Variants in CPSF2 observed in about 807,000 individuals in gnomAD.
CPSF2 encodes cleavage and polyadenylation specificity factor subunit 2.
Under a neutral mutation model 84.2 loss-of-function variants are expected in CPSF2, and 51 were observed. That is an observed-to-expected ratio of 0.61 (90% confidence interval 0.48 to 0.77). The LOEUF (loss-of-function observed/expected upper bound fraction) is 0.77, where lower values mean the gene tolerates loss of function less well. Ranked by LOEUF, CPSF2 falls within the 30% of genes least tolerant of loss-of-function variation. The pLI is 0.00. For missense variants in CPSF2, 641 were observed against 929.4 expected (o/e 0.69, Z 4.03); for synonymous variants, 286 against 311.9 (o/e 0.92, Z 0.87).
chr14:92,161,851 C>T lies in CPSF2; in HGVS notation c.*107C>T. 1 of 645,506 alleles carries T rather than the reference C, an allele frequency of 1.5e-6. No homozygotes were observed. The highest frequency in any genetic ancestry group is 2.1e-5 in the South Asian group (1 of 48,382). 40.0% of individuals were successfully genotyped at this position (645,506 alleles called of 1,614,324 possible). The stretch of plus-strand genomic sequence containing the variant: ...TTTTGTAACATACAAAAAGAATCTG[C>T]CAGAAAAACTTACATGTATCAGATT... On this transcript the variant is annotated 3_prime_UTR_variant, in exon 16 of 16. Coordinates refer to ENST00000298875, the MANE Select transcript of CPSF2 (RefSeq NM_017437.3).
intron 9 of CPSF2, among the ~76,000 whole-genome samples, chr14:92,150,527 A>C (rs904175141): frequency 2.0e-5 from 3 of 151,708 alleles, no homozygotes; most frequent in Non-Finnish European, 4.4e-5. Flanking sequence ...TTCTGCGTTC[A>C]TGTGACCCTC....
chr14:92,138,631 T>C (rs1228657994), intron 7 of CPSF2, among the ~76,000 whole-genome samples: 1 of 152,100 alleles, frequency 6.6e-6, no homozygotes, highest in African/African-American at 2.4e-5. Context: ...GGTTTCTCCA[T>C]GTTGGCCAGG....
intron 13 of CPSF2, 36 bp from the exon 14 acceptor site, chr14:92,158,947 G>A: frequency 6.6e-7 from 1 of 1,513,936 alleles, no homozygotes; most frequent in Non-Finnish European, 9.0e-7. Context: ...TGTATTCTGT[G>A]GGTTTTATTT....
intron 9 of CPSF2, 101 bp from the exon 10 acceptor site, chr14:92,154,257 T>C: frequency 4.1e-6 from 3 of 734,810 alleles, no homozygotes; most frequent in Admixed American, 3.0e-5. Flanking sequence ...AGTTTAAAGA[T>C]GATAGAGCAA....
chr14:92,122,573 T>A (rs7151027), intron 1 of CPSF2, among the ~76,000 whole-genome samples: 61,152 of 152,114 alleles, frequency 0.4, 13,157 homozygotes, highest in East Asian at 0.84. Context: ...CTTTTAGTTC[T>A]TCGACTCCAG....
In CPSF2 at chr14:92,166,571, C is replaced by A. The variant is rs528303954; in HGVS notation, c.*4827C>A. The A allele has an allele frequency of 6.6e-6, 1 of 152,194 alleles. No individual in the cohort carries two copies. Among genetic ancestry groups the A allele is most frequent in the South Asian group, 2.1e-4 (1 of 4,828 alleles). The allele number at this position is 152,194 out of a possible 1,614,324, so 9.4% of individuals were successfully genotyped here. A position where few individuals can be genotyped will look rare whatever the true frequency, so the allele number is the denominator to read the frequency against. Reference sequence around the variant, plus strand: ...ACTCTGTTGCCCAAGCTGGTCATCTCAAACTTCCAGACTCAAACAATACTC... The same window carrying A: ...ACTCTGTTGCCCAAGCTGGTCATCTAAAACTTCCAGACTCAAACAATACTC... On this transcript the variant is annotated 3_prime_UTR_variant, in exon 16 of 16. Transcript: ENST00000298875.
intron 9 of CPSF2, among the ~76,000 whole-genome samples, chr14:92,144,643 C>T (rs2069120542): frequency 1.3e-5 from 2 of 152,198 alleles, no homozygotes; most frequent in South Asian, 4.1e-4. Flanking sequence ...AAACCATTTG[C>T]TTGGTTTGTG....
Position 92,159,175 on chromosome 14 carries a change from G to C in CPSF2, c.2014G>C (p.Val672Leu). ...MQVEAPSDSS[V>L]IAQQKAMKSL... Reference sequence around the variant, plus strand: ...AGTGGAAGCTCCCTCAGATTCTAGCGTTATAGCACAACAAAAGGCCATGAA... The same window carrying C: ...AGTGGAAGCTCCCTCAGATTCTAGCCTTATAGCACAACAAAAGGCCATGAA... Residue 672 changes from valine to leucine, a missense_variant, in exon 14 of 16, where the codon GTT becomes CTT. Coordinates refer to ENST00000298875, the MANE Select transcript of CPSF2 (RefSeq NM_017437.3). The C allele has an allele frequency of 6.2e-7, 1 of 1,613,984 alleles. No homozygotes were observed.
At chr14:92,156,894 T>C (rs763712125) in intron 12 of CPSF2, among the ~76,000 whole-genome samples, 18 of 152,198 alleles carry the variant, frequency 1.2e-4, no homozygotes, top group Non-Finnish European at 2.5e-4. Context: ...TACATTTATA[T>C]GAAGAAAAAT....
rs1209311757 is a variant in CPSF2, at chr14:92,163,121, C to T, written c.*1377C>T. ...GTTTCACCATGTTGGCCAGGCTGGT[C>T]TCAAACTCCTGACCTCAAGCGATCC... On this transcript the variant is annotated 3_prime_UTR_variant, in exon 16 of 16. Coordinates refer to ENST00000298875, the MANE Select transcript of CPSF2 (RefSeq NM_017437.3). The T allele has an allele frequency of 6.6e-6, 1 of 152,184 alleles. No homozygotes were observed. The highest frequency in any genetic ancestry group is 2.4e-5 in the African/African-American group (1 of 41,418). The allele number at this position is 152,184 out of a possible 1,614,324, so 9.4% of individuals were successfully genotyped here.
rs967975832 is a variant in CPSF2 at position 92,168,306 on chromosome 14, C to T, written c.*6562C>T. On this transcript the variant is annotated 3_prime_UTR_variant, in exon 16 of 16. Transcript: ENST00000298875. The stretch of plus-strand genomic sequence containing the variant: ...GCTAGAGAAGGAACATTCAAATCTT[C>T]CCACGTGGGCAAGTTCCAAGCAAAT... 2.0e-5 allele frequency: 3 copies of T among 150,480 alleles called. No individual in the cohort carries two copies. The highest frequency in any genetic ancestry group is 7.3e-5 in the African/African-American group (3 of 40,932). The allele number at this position is 150,480 out of a possible 1,614,324, so 9.3% of individuals were successfully genotyped here.
chr14:92,124,310 A>G (rs2068818618), intron 1 of CPSF2, among the ~76,000 whole-genome samples: 1 of 152,202 alleles, frequency 6.6e-6, no homozygotes, highest in African/African-American at 2.4e-5. Flanking sequence ...TGACAGCTAT[A>G]TGGAGGATCA....
chr14:92,155,081 T>A, intron 10 of CPSF2, 42 bp from the exon 11 acceptor site: 1 of 1,283,172 alleles, frequency 7.8e-7, no homozygotes, highest in South Asian at 1.3e-5. Context: ...TTAAAATATC[T>A]TTGAAACTTT....
chr14:92,141,247 TTACA>T (rs2069074691), intron 7 of CPSF2, among the ~76,000 whole-genome samples: 1 of 152,172 alleles, frequency 6.6e-6, no homozygotes, highest in South Asian at 2.1e-4. Flanking sequence ...TAACAACCAT[TTACA>T]TAGCATGTAC....
intron 9 of CPSF2, among the ~76,000 whole-genome samples, chr14:92,145,520 A>G (rs916504427): frequency 1.3e-5 from 2 of 152,236 alleles, no homozygotes; most frequent in Non-Finnish European, 2.9e-5. Context: ...AAAATCTGAG[A>G]TATATGTACT....
intron 9 of CPSF2, among the ~76,000 whole-genome samples, chr14:92,143,632 G>T (rs1270911390): frequency 6.6e-6 from 1 of 152,154 alleles, no homozygotes; most frequent in Non-Finnish European, 1.5e-5. Context: ...TTGAGATGGG[G>T]TCTTGCTTTG....
intron 11 of CPSF2, 109 bp downstream of exon 11, chr14:92,155,432 A>G (rs2069277312): frequency 2.2e-6 from 2 of 889,602 alleles, no homozygotes; most frequent in Non-Finnish European, 3.6e-6. Flanking sequence ...AGTCACATGT[A>G]TGGGGTTAGC....
At chr14:92,138,733 A>G (rs1205516025) in intron 7 of CPSF2, among the ~76,000 whole-genome samples, 1 of 152,100 alleles carries the variant, frequency 6.6e-6, no homozygotes, top group Admixed American at 6.6e-5. Flanking sequence ...CCCGGCCACA[A>G]GTATAGGTTT....
intron 6 of CPSF2, among the ~76,000 whole-genome samples, chr14:92,136,290 C>T (rs779138499): frequency 1.3e-5 from 2 of 152,080 alleles, no homozygotes; most frequent in African/African-American, 4.8e-5. Context: ...GAATTTTAGA[C>T]ACTTATAACC....
Sources: allele counts gnomAD v4.1 joint callset (sites outside exome capture counted in the v4.1 genomes callset), GRCh38; gene constraint gnomAD v4.1.1; transcripts MANE v1.5; gene names NCBI Gene and HGNC (gene_info 2026-07-23, HGNC 2026-07-21).